RUBCN: variants seen among roughly 807,000 people sequenced by gnomAD.
RUBCN encodes the protein rubicon autophagy regulator.
A neutral mutation model predicts 113.2 loss-of-function variants in RUBCN; 74 were observed. The ratio of observed to expected loss-of-function variants is 0.65; its 90% CI spans 0.54 to 0.79. The LOEUF is 0.79. Ranked by LOEUF, RUBCN falls within the 30% of genes least tolerant of loss-of-function variation. The pLI, the probability that RUBCN is intolerant of heterozygous loss-of-function variation, is 0.00. For missense variants in RUBCN, 1,109 were observed against 1,251.7 expected, an observed-to-expected ratio of 0.89 and a Z score of 1.72; for synonymous variants, 480 against 490.0, an observed-to-expected ratio of 0.98 and a Z score of 0.27.
exon 1 of RUBCN, chr3:197,749,589 C>G: frequency 8.0e-7 from 1 of 1,252,488 alleles, no homozygotes; most frequent in African/African-American, 1.5e-5. Context: ...GGGGACCTGT[C>G]TGCAGCAGGA....
chr3:197,706,439 T>C (rs1427598821), intron 2 of RUBCN, among the ~76,000 whole-genome samples: 3 of 152,164 alleles, frequency 2.0e-5, no homozygotes, highest in African/African-American at 7.2e-5. Flanking sequence ...TCTCAGCACT[T>C]TGGGGGGCTG....
At position 197,700,855 on chromosome 3, in the gene RUBCN, T is replaced by C. The variant is rs771285103; in HGVS notation, c.1019A>G (p.Gln340Arg). Residue 340 changes from glutamine (Q) to arginine (R), a missense_variant, in exon 7 of 20, where the codon CAG becomes CGG. Physicochemically the swap from Gln to Arg is conservative, Grantham distance 43. This residue lies in a region of RUBCN where 736 missense variants were observed against 779.6 expected (regional missense o/e 0.94). Coordinates refer to ENST00000296343, the MANE Select transcript of RUBCN (RefSeq NM_014687.4). ...GCTCTCGGCATTGCTGCTGTGACTC[T>C]GACAGCTGGCAGTCCGGCCTCGGGG... is the stretch of plus-strand genomic sequence containing the variant. ...LDPRGRTASC[Q>R]SHSSNAESSS... 15 of 1,614,028 alleles carry C rather than the reference T, an allele frequency of 9.3e-6. No homozygotes were observed. Among genetic ancestry groups the C allele is most frequent in the Admixed American group, 8.3e-5 (5 of 60,002 alleles).
intron 11 of RUBCN, among the ~76,000 whole-genome samples, chr3:197,686,356 G>A (rs1185459646): frequency 1.3e-5 from 2 of 152,202 alleles, no homozygotes; most frequent in African/African-American, 4.8e-5. Context: ...GAGGTCGGAG[G>A]TACATGCAGG....
chr3:197,696,555 T>C lies in RUBCN; in HGVS notation c.1357+399A>G, dbSNP rs1723023095. Among the ~76,000 whole-genome samples, 3 of 152,142 alleles carry C rather than the reference T, an allele frequency of 2.0e-5. No homozygotes were observed. In the South Asian group the frequency reaches 6.2e-4, roughly 31 times the overall value. ...AAAACAAAATAAAAATGTAGAACTT[T>C]GGGCTGGGAGGCAGAAAAGGACACA... On this transcript the variant is annotated intron_variant, in intron 8 of 19. Coordinates refer to ENST00000296343, the MANE Select transcript of RUBCN (RefSeq NM_014687.4).
chr3:197,703,351 T>C (rs762223826), intron 5 of RUBCN, among the ~76,000 whole-genome samples, 197 bp downstream of exon 5: 5 of 130,874 alleles, frequency 3.8e-5, no homozygotes, highest in South Asian at 4.7e-4. Context: ...TGAGCTGAGA[T>C]TGCACCACTG....
At chr3:197,729,305 T>TG (rs990548304) in intron 1 of RUBCN, among the ~76,000 whole-genome samples, 78 of 152,116 alleles carry the variant, frequency 5.1e-4, no homozygotes, top group African/African-American at 1.9e-3. Flanking sequence ...CAGCCTGGAG[T>TG]GCAGCGGCGC....
chr3:197,708,268 G>A lies in RUBCN; in HGVS notation c.220-3093C>T, dbSNP rs920352429. On this transcript the variant is annotated intron_variant, in intron 2 of 19. Transcript: ENST00000296343. ...CTCCTGCCTCAGCCTCCCGAGTCGC[G>A]GGGATTACAGGTGTCTGCCACCACG... 4.0e-5 allele frequency among the ~76,000 whole-genome samples: 6 copies of A among 151,586 alleles called. No homozygotes were observed. The East Asian group carries it at 5.8e-4, about 15-fold the overall frequency.
Position 197,675,764 on chromosome 3 carries a change from G to A in RUBCN, c.2647-249C>T, listed in dbSNP as rs1720323453. 6.6e-6 allele frequency among the ~76,000 whole-genome samples: 1 copy of A among 152,246 alleles called. No individual in the cohort carries two copies. Among genetic ancestry groups the A allele is most frequent in the Non-Finnish European group, 1.5e-5 (1 of 68,048 alleles). ...GACCCCCAGCGCGGCTCTCCATGAA[G>A]AGAGGAGAAGGAGGAAATGGCACCA... On this transcript the variant is annotated intron_variant, in intron 18 of 19. Coordinates refer to ENST00000296343, the MANE Select transcript of RUBCN (RefSeq NM_014687.4). The surrounding 1 kb of genome is among the most constrained non-coding windows in gnomAD (Gnocchi z 4.4).
chr3:197,704,692 C>T lies in RUBCN; in HGVS notation c.313G>A (p.Val105Met), dbSNP rs759109839. The T allele has an allele frequency of 2.5e-5, 41 of 1,613,800 alleles. No homozygotes were observed. The highest frequency in any genetic ancestry group is 3.1e-5 in the Non-Finnish European group (37 of 1,179,988). The change falls in exon 4 of 20, where the codon GTG becomes ATG. Residue 105 changes from valine to methionine, a missense_variant. Coordinates refer to ENST00000296343, the MANE Select transcript of RUBCN (RefSeq NM_014687.4). ...SALHVEKFIS[V>M]HENDQSSADG... The stretch of plus-strand genomic sequence containing the variant: ...GCACTGCTCTGGTCGTTCTCGTGCA[C>T]GCTGATGAACTGGGAAGCAAAGGGG...
At position 197,685,303 on chromosome 3, in the gene RUBCN, C is replaced by T. The variant is rs115269244; in HGVS notation, c.1787-1086G>A. On this transcript the variant is annotated intron_variant, in intron 11 of 19. Transcript: ENST00000296343. ...GATAAATACTCTCTCTCATGTCCTT[C>T]ACTGCCCAGTGAAAAGACCTTTCTT... 3.1e-3 allele frequency among the ~76,000 whole-genome samples: 467 copies of T among 152,288 alleles called. 1 individual carries two copies. The highest frequency in any genetic ancestry group is 0.011 in the African/African-American group (441 of 41,554).
intron 1 of RUBCN, among the ~76,000 whole-genome samples, chr3:197,746,896 G>A (rs1258720301): frequency 6.6e-6 from 1 of 151,906 alleles, no homozygotes; most frequent in Non-Finnish European, 1.5e-5. Context: ...TTCAAGCTGT[G>A]TGAAGATAGG....
chr3:197,678,310 T>C (rs1720712133), intron 16 of RUBCN, among the ~76,000 whole-genome samples: 1 of 150,146 alleles, frequency 6.7e-6, no homozygotes. Context: ...GGCTTCAGAC[T>C]GTCCTATGCT....
intron 1 of RUBCN, among the ~76,000 whole-genome samples, chr3:197,734,426 C>T (rs1199263360): frequency 6.7e-6 from 1 of 148,304 alleles, no homozygotes; most frequent in East Asian, 2.0e-4. Flanking sequence ...AAAAAAAAAG[C>T]GCAGACTCTG....
intron 1 of RUBCN, among the ~76,000 whole-genome samples, chr3:197,720,957 C>A (rs991027815): frequency 2.6e-5 from 4 of 152,032 alleles, no homozygotes; most frequent in African/African-American, 9.7e-5. Flanking sequence ...TCTCCCCATC[C>A]TCACCGACAC....
chr3:197,697,120 G>A (rs1723102702), intron 7 of RUBCN, 71 bp from the exon 8 acceptor site: 3 of 804,592 alleles, frequency 3.7e-6, no homozygotes, highest in African/African-American at 1.7e-5. Flanking sequence ...CAACTCTGGA[G>A]TTTCAACACT....
At chr3:197,729,243 T>TTTTTG (rs143795892) in intron 1 of RUBCN, among the ~76,000 whole-genome samples, 1 of 151,940 alleles carries the variant, frequency 6.6e-6, no homozygotes, top group Non-Finnish European at 1.5e-5. Context: ...GCTTTTGTTT[T>TTTTTG]TTTTGTTTTG....
intron 2 of RUBCN, among the ~76,000 whole-genome samples, chr3:197,717,628 C>T (rs554951794): frequency 6.6e-6 from 1 of 152,052 alleles, no homozygotes; most frequent in African/African-American, 2.4e-5. Flanking sequence ...GTTTCAGCCC[C>T]GTGAAACTCA....
chr3:197,749,545 G>A (rs981962898), exon 1 of RUBCN: 2 of 1,291,240 alleles, frequency 1.5e-6, no homozygotes, highest in Non-Finnish European at 2.0e-6. Flanking sequence ...CTGCGTTGCG[G>A]TGGGCGCGAA....
intron 1 of RUBCN, among the ~76,000 whole-genome samples, chr3:197,719,247 C>T (rs1285001340): frequency 1.3e-5 from 2 of 152,022 alleles, no homozygotes; most frequent in Admixed American, 1.3e-4. Flanking sequence ...GAGGCTGAGG[C>T]GGGTGGATCA....
Sources: gnomAD v4.1 joint callset for allele counts (sites outside exome capture counted in the v4.1 genomes callset) on GRCh38, gnomAD v4.1.1 for gene constraint, gnomAD v4.1.1 regional missense constraint, Gnocchi (gnomAD v3.1) non-coding constraint, MANE v1.5 for transcripts, NCBI Gene and HGNC (gene_info 2026-07-23, HGNC 2026-07-21) for gene names.